The following TACR1 variants were observed in gnomAD, a reference collection of about 807,000 sequenced individuals.
TACR1 encodes substance-P receptor.
Under a neutral mutation model 35.8 loss-of-function variants are expected in TACR1, and 25 were observed. The observed-to-expected ratio is 0.70, with a 90% CI of 0.51 to 0.98. The LOEUF (loss-of-function observed/expected upper bound fraction) is 0.98, where lower values mean the gene tolerates loss of function less well. Among genes scored for constraint, TACR1 ranks in the 50% least tolerant of loss-of-function variants. The probability of loss-of-function intolerance (pLI) is 0.00; values close to 1 mark genes in which losing one functional copy is unlikely to be tolerated. For missense variants in TACR1, 478 were observed against 522.9 expected, an observed-to-expected ratio of 0.91 and a Z score of 0.84; for synonymous variants, 195 against 206.7, an observed-to-expected ratio of 0.94 and a Z score of 0.48.
intron 2 of TACR1, among the ~76,000 whole-genome samples, chr2:75,110,996 A>G (rs1286559732): frequency 6.6e-6 from 1 of 152,018 alleles, no homozygotes; most frequent in African/African-American, 2.4e-5. Context: ...GAAAAATTGT[A>G]TACATTATTT....
At chr2:75,095,821 C>A (rs1457121697) in intron 2 of TACR1, among the ~76,000 whole-genome samples, 1 of 152,090 alleles carries the variant, frequency 6.6e-6, no homozygotes, top group Non-Finnish European at 1.5e-5. Flanking sequence ...TCCCCCTGTC[C>A]CTTCTGTGTG....
chr2:75,071,308 T>C (rs6715540), intron 2 of TACR1, among the ~76,000 whole-genome samples: 5,604 of 152,304 alleles, frequency 0.037, 343 homozygotes, highest in African/African-American at 0.13. Context: ...CTCTTGCCAA[T>C]GCTGTGCCTT....
intron 1 of TACR1, among the ~76,000 whole-genome samples, chr2:75,169,525 G>C (rs1675225489): frequency 6.6e-6 from 1 of 152,192 alleles, no homozygotes; most frequent in African/African-American, 2.4e-5. Context: ...AGAAGACTGA[G>C]ATCAGAATAA....
chr2:75,184,056 G>A (rs1168711011), intron 1 of TACR1, among the ~76,000 whole-genome samples: 1 of 152,144 alleles, frequency 6.6e-6, no homozygotes, highest in Non-Finnish European at 1.5e-5. Flanking sequence ...AAAAATTAAA[G>A]CTTATGTAAG....
intron 1 of TACR1, among the ~76,000 whole-genome samples, chr2:75,144,954 G>A (rs1255261782): frequency 6.6e-6 from 1 of 151,958 alleles, no homozygotes; most frequent in Non-Finnish European, 1.5e-5. Context: ...ATGAGGGGTA[G>A]GTTTAGGAGA....
chr2:75,148,641 A>G (rs1198679225), intron 1 of TACR1, among the ~76,000 whole-genome samples: 1 of 152,104 alleles, frequency 6.6e-6, no homozygotes, highest in Non-Finnish European at 1.5e-5. Context: ...AGATGGGTAG[A>G]TTGCAAAAAT....
intron 2 of TACR1, among the ~76,000 whole-genome samples, chr2:75,087,767 A>T (rs1005943684): frequency 5.3e-5 from 8 of 152,320 alleles, no homozygotes; most frequent in African/African-American, 1.7e-4. Flanking sequence ...ATTTAGACAT[A>T]ACTGGTCTAT....
At position 75,051,411 on chromosome 2, in the gene TACR1, C is replaced by T. The variant is rs748429716; in HGVS notation, c.772G>A (p.Ala258Thr). The change falls in exon 4 of 5, where the codon GCC (alanine) becomes ACC (threonine). Residue 258 changes from alanine to threonine, a missense_variant. Coordinates refer to ENST00000305249, the MANE Select transcript of TACR1 (RefSeq NM_001058.4). ...KMMIVVVCTFAICWLPFHIFF... is the reference protein window; with the variant it reads ...KMMIVVVCTFTICWLPFHIFF... ...ATGTGGAAGGGCAGCCAGCAGATGG[C>T]GAAGGTGCACACCACGACAATCATC... The T allele has an allele frequency of 8.1e-6, 13 of 1,613,958 alleles. No individual in the cohort carries two copies. Among genetic ancestry groups the T allele is most frequent in the Non-Finnish European group, 9.3e-6 (11 of 1,180,014 alleles).
chr2:75,145,304 G>A (rs911775439), intron 1 of TACR1, among the ~76,000 whole-genome samples: 2 of 152,094 alleles, frequency 1.3e-5, no homozygotes, highest in Admixed American at 6.5e-5. Context: ...ATGAAAAATA[G>A]AAGTGGTCTG....
chr2:75,183,030 C>T (rs1013852052), intron 1 of TACR1, among the ~76,000 whole-genome samples: 2 of 152,136 alleles, frequency 1.3e-5, no homozygotes, highest in African/African-American at 4.8e-5. Context: ...TTGATTCTTG[C>T]CATTGTATCC....
intron 3 of TACR1, 40 bp downstream of exon 3, chr2:75,053,565 C>T (rs202180228): frequency 3.9e-5 from 58 of 1,474,280 alleles, no homozygotes; most frequent in Middle Eastern, 3.9e-4. Flanking sequence ...AGCCTGTTGT[C>T]TGTGCCAGGG....
chr2:75,163,552 G>A lies in TACR1; in HGVS notation c.389+34994C>T, dbSNP rs1675065239. ...TGCCAGATTTCTTATAATTTTTAAA[G>A]TACCTCTTTATCAGATAAATGAGAA... is the stretch of plus-strand genomic sequence containing the variant. On this transcript the variant is annotated intron_variant, in intron 1 of 4. Coordinates refer to ENST00000305249, the MANE Select transcript of TACR1 (RefSeq NM_001058.4). Among the ~76,000 whole-genome samples, 4 of 152,170 alleles carry A rather than the reference G, an allele frequency of 2.6e-5. No individual in the cohort carries two copies. The South Asian group carries it at 8.3e-4, about 32-fold the overall frequency.
chr2:75,049,823 G>A (rs1558535805), intron 4 of TACR1, 100 bp from the exon 5 acceptor site: 3 of 1,296,220 alleles, frequency 2.3e-6, no homozygotes, highest in South Asian at 3.0e-5. Context: ...ATACCCAAGC[G>A]TGATTCTGTT....
At chr2:75,083,757 G>C (rs1673137366) in intron 2 of TACR1, among the ~76,000 whole-genome samples, 1 of 152,174 alleles carries the variant, frequency 6.6e-6, no homozygotes, top group Non-Finnish European at 1.5e-5. Flanking sequence ...GAATGCTTGT[G>C]ATTTTTGCAC....
Position 75,048,363 on chromosome 2 carries a change from A to AAAGCTGGATGG in TACR1, c.*1058_*1068dup, listed in dbSNP as rs1385475554. 6.6e-6 allele frequency: 1 copy of AAAGCTGGATGG among 152,222 alleles called. No individual in the cohort carries two copies. The highest frequency in any genetic ancestry group is 1.9e-4 in the East Asian group (1 of 5,196). 9.4% of individuals were successfully genotyped at this position (152,222 alleles called of 1,614,324 possible). Reference sequence around the variant, plus strand: ...CTGCAGCTATGAAATTCTGCCTGCTAAAGCTGGATGGATGCAGGCCTTGGC... The same window carrying AAAGCTGGATGG: ...CTGCAGCTATGAAATTCTGCCTGCTAAAGCTGGATGGAAGCTGGATGGATGCAGGCCTTGGC... On this transcript the variant is annotated 3_prime_UTR_variant, in exon 5 of 5. Coordinates refer to ENST00000305249, the MANE Select transcript of TACR1 (RefSeq NM_001058.4).
At chr2:75,138,910 T>G (rs890462205) in intron 1 of TACR1, among the ~76,000 whole-genome samples, 4 of 152,152 alleles carry the variant, frequency 2.6e-5, no homozygotes, top group Non-Finnish European at 5.9e-5. Flanking sequence ...GCATAGCAAT[T>G]AACTAAACCT....
At chr2:75,165,723 G>T (rs1051194941) in intron 1 of TACR1, among the ~76,000 whole-genome samples, 1 of 152,152 alleles carries the variant, frequency 6.6e-6, no homozygotes, top group Non-Finnish European at 1.5e-5. Context: ...CCAGGCTAAC[G>T]CTGGTACTTA....
chr2:75,144,996 A>C (rs182094684), intron 1 of TACR1, among the ~76,000 whole-genome samples: 1 of 152,282 alleles, frequency 6.6e-6, no homozygotes, highest in Non-Finnish European at 1.5e-5. Flanking sequence ...TTTTAGAAAG[A>C]AATACAATAA....
At chr2:75,050,031 C>T (rs943894490) in intron 4 of TACR1, among the ~76,000 whole-genome samples, 1 of 152,182 alleles carries the variant, frequency 6.6e-6, no homozygotes, top group Non-Finnish European at 1.5e-5. Context: ...TGAGTCAATT[C>T]TACCTCAACA....
Sources: gnomAD v4.1 joint callset for allele counts (sites outside exome capture counted in the v4.1 genomes callset) on GRCh38, gnomAD v4.1.1 for gene constraint, MANE v1.5 for transcripts, NCBI Gene and HGNC (gene_info 2026-07-23, HGNC 2026-07-21) for gene names.